ZNF746: variants seen among roughly 807,000 people sequenced by gnomAD.
ZNF746 encodes parkin-interacting substrate.
ZNF746 carries 13 observed loss-of-function variants against 41.0 expected under a neutral mutation model. That is an observed-to-expected ratio of 0.32 (90% CI 0.21 to 0.50). The LOEUF (loss-of-function observed/expected upper bound fraction) is 0.50, where lower values mean the gene tolerates loss of function less well. Among genes scored for constraint, ZNF746 ranks in the 20% least tolerant of loss-of-function variants. The pLI is 0.98. For synonymous variants in ZNF746, 424 were observed against 396.2 expected, an observed-to-expected ratio of 1.07 and a Z score of -0.83; for missense variants, 811 against 922.9, an observed-to-expected ratio of 0.88 and a Z score of 1.57.
At chr7:149,486,276 A>C (rs980152320) in intron 4 of ZNF746, among the ~76,000 whole-genome samples, 6 of 152,112 alleles carry the variant, frequency 3.9e-5, no homozygotes, top group African/African-American at 1.4e-4. Flanking sequence ...TCCTGGGAAT[A>C]CCAGTTGGTA....
At position 149,475,196 on chromosome 7, in the gene ZNF746, C is replaced by T. The variant is rs765996641; in HGVS notation, c.1171G>A (p.Gly391Arg). ...AAATTCCAGCCCCACCGGACCCCTC[C>T]GAAGAGCCAGTCCCCAGGAGGGGTC... The part of the protein sequence containing the change: ...EETPPGDWLF[G>R]GVRWGWNFRC... The change falls in exon 7 of 7, where the codon GGA becomes AGA. Residue 391 changes from glycine to arginine, a missense_variant. Gly to Arg is a moderately radical substitution (Grantham distance 125). Around this residue, in one of 4 missense-constraint regions of ZNF746, gnomAD observed 495 missense variants for 481.6 expected, o/e 1.03. Transcript: ENST00000458143. The T allele has an allele frequency of 4.3e-6, 7 of 1,612,864 alleles. No individual in the cohort carries two copies. The highest frequency in any genetic ancestry group is 2.2e-5 in the East Asian group (1 of 44,828).
intron 4 of ZNF746, among the ~76,000 whole-genome samples, chr7:149,479,034 C>G (rs1371273976): frequency 6.6e-6 from 1 of 152,098 alleles, no homozygotes; most frequent in East Asian, 1.9e-4. Flanking sequence ...ACCTGGAGGA[C>G]AGAATGAGAA....
rs1801046602 is a variant in ZNF746, at chr7:149,497,452, C to T, written c.24+61G>A. 19 of 1,069,596 alleles carry T rather than the reference C, an allele frequency of 1.8e-5. No individual in the cohort carries two copies. The highest frequency in any genetic ancestry group is 8.5e-4 in the Middle Eastern group (2 of 2,344). 66.3% of individuals were successfully genotyped at this position (1,069,596 alleles called of 1,614,324 possible). On this transcript the variant is annotated intron_variant, in intron 1 of 6. Transcript: ENST00000458143. The surrounding 1 kb of genome is among the most constrained non-coding windows in gnomAD (Gnocchi z 4.2). The stretch of plus-strand genomic sequence containing the variant: ...CCCCAGGGCCTGCGGCGCCGTGTGC[C>T]GGGGCCGGGCCGCCTGGGGCCCCCA...
rs769323220 is a variant in ZNF746, at chr7:149,492,932, T to A, written c.492A>T (p.Glu164Asp). The A allele has an allele frequency of 1.9e-6, 3 of 1,614,108 alleles. No individual in the cohort carries two copies. The highest frequency in any genetic ancestry group is 1.7e-6 in the Non-Finnish European group (2 of 1,180,000). Residue 164 changes from glutamate to aspartate, a missense_variant, in exon 4 of 7, where the codon GAA becomes GAT. Glu to Asp is a conservative substitution (Grantham distance 45). This residue lies in a region of ZNF746 where 147 missense variants were observed against 233.4 expected (regional missense o/e 0.63). Transcript: ENST00000458143. ...ISKPEVLSQI[E>D]QGKEPCNWRR... ...GCCAGTTGCAGGGCTCCTTCCCTTGTTCAATCTGGGAGAGGACCTCGGGCT... is the reference window on the plus strand; with the variant it reads ...GCCAGTTGCAGGGCTCCTTCCCTTGATCAATCTGGGAGAGGACCTCGGGCT...
rs1478646729 is a variant in ZNF746, at chr7:149,474,953, C to A, written c.1414G>T (p.Ala472Ser). 1 of 1,545,722 alleles carries A rather than the reference C, an allele frequency of 6.5e-7. No homozygotes were observed. Among genetic ancestry groups the A allele is most frequent in the Non-Finnish European group, 8.7e-7 (1 of 1,146,382 alleles). Residue 472 changes from alanine (A) to serine (S), a missense_variant, in exon 7 of 7, where the codon GCC (alanine) becomes TCC (serine). Physicochemically the swap from Ala to Ser is moderately conservative, Grantham distance 99. Around this residue, in one of 4 missense-constraint regions of ZNF746, gnomAD observed 495 missense variants for 481.6 expected, o/e 1.03. Transcript: ENST00000458143. The surrounding 1 kb of genome is among the most constrained non-coding windows in gnomAD (Gnocchi z 6.3). ...APPGGRPFTC[A>S]TCGKSFQLQV... The stretch of plus-strand genomic sequence containing the variant: ...AGCTGGAAGCTCTTCCCACACGTGG[C>A]GCAGGTGAAGGGCCGGCCCCCGGGG...
intron 4 of ZNF746, among the ~76,000 whole-genome samples, chr7:149,481,743 T>C (rs1800491751): frequency 6.6e-6 from 1 of 152,060 alleles, no homozygotes; most frequent in African/African-American, 2.4e-5. Context: ...TAATTTAAAA[T>C]AACAATAGTT....
Position 149,475,501 on chromosome 7 carries a change from A to T in ZNF746, c.884-18T>A, listed in dbSNP as rs770137412. 2.3e-5 allele frequency: 37 copies of T among 1,602,580 alleles called. 1 individual carries two copies. The Middle Eastern group carries it at 1.3e-3, about 58-fold the overall frequency. On this transcript the variant is annotated intron_variant, in intron 6 of 6. Transcript: ENST00000458143. The stretch of plus-strand genomic sequence containing the variant: ...TACATCTGCTGAGAAAGACAGAAAG[A>T]CAGATACTGACCTGTCCCTTAACTG...
chr7:149,486,158 GTTTTAAACCATAAA>G (rs1415127193), intron 4 of ZNF746, among the ~76,000 whole-genome samples: 2 of 152,176 alleles, frequency 1.3e-5, no homozygotes, highest in African/African-American at 2.4e-5. Context: ...GAAAATCCAA[GTTTTAAACCATAAA>G]TTTTAAACCA....
In ZNF746 at chr7:149,474,750, C is replaced by T. The variant is rs1157141549; in HGVS notation, c.1617G>A (p.Ala539=). The change falls in exon 7 of 7, where the codon GCG becomes GCA. Residue 539 remains alanine (A), a synonymous_variant. Transcript: ENST00000458143. This position sits in a 1 kb window ranked among gnomAD's most constrained non-coding sequence, Gnocchi z 6.3. ...GCAGCATGCGATGGCGGATGAGGTG[C>T]GCGGGGCGCGTGAAGCAACGGCCGC... The part of the protein sequence containing the change: ...GECGRCFTRP[A]HLIRHRMLHT... 2 of 1,599,314 alleles carry T rather than the reference C, an allele frequency of 1.3e-6. No homozygotes were observed. The highest frequency in any genetic ancestry group is 1.1e-5 in the South Asian group (1 of 89,732).
intron 3 of ZNF746, among the ~76,000 whole-genome samples, chr7:149,493,242 A>G (rs1348149411): frequency 6.6e-6 from 1 of 152,176 alleles, no homozygotes; most frequent in Non-Finnish European, 1.5e-5. Context: ...AATGCAGAGG[A>G]TGCCGCCGAC....
rs1478414061 is a variant in ZNF746, at chr7:149,494,661, C to T, written c.25-158G>A. On this transcript the variant is annotated intron_variant, in intron 1 of 6. Coordinates refer to ENST00000458143, the MANE Select transcript of ZNF746 (RefSeq NM_001394198.1). The surrounding 1 kb of genome is among the most constrained non-coding windows in gnomAD (Gnocchi z 5.6). The stretch of plus-strand genomic sequence containing the variant: ...ATGCCAGATCTCAGGTTGGCCATCA[C>T]CTGCTTGGGTATGTTAGGTCTATGT... Among the ~76,000 whole-genome samples the T allele has an allele frequency of 1.3e-5, 2 of 151,478 alleles. No individual in the cohort carries two copies. The highest frequency in any genetic ancestry group is 2.9e-5 in the Non-Finnish European group (2 of 67,952).
At chr7:149,479,911 CAAAA>C (rs1480098226) in intron 4 of ZNF746, among the ~76,000 whole-genome samples, 2 of 151,500 alleles carry the variant, frequency 1.3e-5, no homozygotes, top group Admixed American at 1.3e-4. Context: ...AATAAACAAA[CAAAA>C]AAAGCCAGCC....
At chr7:149,492,787 C>A in intron 4 of ZNF746, 72 bp downstream of exon 4, 1 of 1,051,472 alleles carries the variant, frequency 9.5e-7, no homozygotes. Flanking sequence ...AAAGATCACA[C>A]CCTTTCTGGC....
chr7:149,491,709 A>T (rs1239311155), intron 4 of ZNF746: 2 of 592,534 alleles, frequency 3.4e-6, no homozygotes, highest in Admixed American at 2.9e-5. Context: ...GGCGCACAGG[A>T]GGGCCTCTGC....
rs915743294 is a variant in ZNF746 at position 149,491,701 on chromosome 7, C to T, written c.565+1158G>A. ...GATGCATTTAATTTCACACAAGTGGCGCACAGGAGGGCCTCTGCGGACCAC... is the reference window on the plus strand; with the variant it reads ...GATGCATTTAATTTCACACAAGTGGTGCACAGGAGGGCCTCTGCGGACCAC... On this transcript the variant is annotated intron_variant, in intron 4 of 6. Transcript: ENST00000458143. 47 of 580,828 alleles carry T rather than the reference C, an allele frequency of 8.1e-5. 1 individual carries two copies. Among genetic ancestry groups the T allele is most frequent in the Middle Eastern group, 4.6e-4 (1 of 2,190 alleles). The allele number at this position is 580,828 out of a possible 1,614,324, so 36.0% of individuals were successfully genotyped here.
chr7:149,487,468 G>C (rs907940217), intron 4 of ZNF746, among the ~76,000 whole-genome samples: 1 of 152,154 alleles, frequency 6.6e-6, no homozygotes, highest in Non-Finnish European at 1.5e-5. Context: ...TACTATCACT[G>C]CTGCTATTCA....
At chr7:149,496,724 G>A (rs1317840665) in intron 1 of ZNF746, 3 of 676,400 alleles carry the variant, frequency 4.4e-6, no homozygotes, top group African/African-American at 3.9e-5. Context: ...GGCCAGGAGG[G>A]GTGGACAGCG....
Position 149,474,404 on chromosome 7 carries a change from T to G in ZNF746, c.1963A>C (p.Thr655Pro). The G allele has an allele frequency of 6.2e-7, 1 of 1,609,086 alleles. No homozygotes were observed. Among genetic ancestry groups the G allele is most frequent in the Non-Finnish European group, 8.5e-7 (1 of 1,178,042 alleles). Reference sequence around the variant, plus strand: ...GGCGCTCACATGTCCCCGCCATCGGTGGGTCCCAGGACGCTGAGGCCACAA... The same window carrying G: ...GGCGCTCACATGTCCCCGCCATCGGGGGGTCCCAGGACGCTGAGGCCACAA... ...WTCGLSVLGP[T>P]DGGDM The change falls in exon 7 of 7, where the codon ACC becomes CCC. Residue 655 changes from threonine (T) to proline (P), a missense_variant. Around this residue, in one of 4 missense-constraint regions of ZNF746, gnomAD observed 99 missense variants for 80.3 expected, o/e 1.23. Transcript: ENST00000458143. The surrounding 1 kb of genome is among the most constrained non-coding windows in gnomAD (Gnocchi z 6.3).
At chr7:149,492,615 G>A (rs1376764508) in intron 4 of ZNF746, among the ~76,000 whole-genome samples, 2 of 152,154 alleles carry the variant, frequency 1.3e-5, no homozygotes, top group African/African-American at 4.8e-5. Flanking sequence ...CCTGTGCCCT[G>A]CCTTTGTCTC....
Sources: allele counts gnomAD v4.1 joint callset (sites outside exome capture counted in the v4.1 genomes callset), GRCh38; gene constraint gnomAD v4.1.1; regional missense constraint gnomAD v4.1.1; non-coding constraint Gnocchi (gnomAD v3.1); transcripts MANE v1.5; gene names NCBI Gene and HGNC (gene_info 2026-07-23, HGNC 2026-07-21).